Variants in CCNQ observed in about 807,000 individuals in gnomAD.
The protein encoded by CCNQ is cyclin Q, also known as cyclin-Q.
A neutral mutation model predicts 17.7 loss-of-function variants in CCNQ; 3 were observed. The ratio of observed to expected loss-of-function variants is 0.17; its 90% CI spans 0.08 to 0.44. The LOEUF (loss-of-function observed/expected upper bound fraction) is 0.44. Ranked by LOEUF, CCNQ falls within the 20% of genes least tolerant of loss-of-function variation. The pLI, the probability that CCNQ is intolerant of heterozygous loss-of-function variation, is 0.99. For synonymous variants in CCNQ, 73 were observed against 96.0 expected, an observed-to-expected ratio of 0.76 and a Z score of 1.40; for missense variants, 146 against 222.6, an observed-to-expected ratio of 0.66 and a Z score of 2.19.
chrX:153,597,693 C>T (rs1400569664), intron 1 of CCNQ: 3 of 111,817 alleles, frequency 2.7e-5, no homozygotes, highest in African/African-American at 9.8e-5. Flanking sequence ...TTTGGGAAAT[C>T]AATATTTAGC....
chrX:153,591,063 G>A (rs1389126058), intron 4 of CCNQ, among the ~76,000 whole-genome samples: 1 of 112,084 alleles, frequency 8.9e-6, no homozygotes, highest in East Asian at 2.8e-4. Context: ...AGTGACAGGA[G>A]TCACCGTAAG....
chrX:153,592,872 A>G, intron 3 of CCNQ, 139 bp from the exon 4 acceptor site: 1 of 574,988 alleles, frequency 1.7e-6, no homozygotes, highest in East Asian at 3.6e-5. Flanking sequence ...TGCTGGCCCC[A>G]TCTCCTGCCG....
rs2090965113 is a variant in CCNQ at position 153,587,998 on chromosome X, G to A, written c.*367C>T. 1 of 343,767 alleles carries A rather than the reference G, an allele frequency of 2.9e-6. No individual in the cohort carries two copies. Among genetic ancestry groups the A allele is most frequent in the Non-Finnish European group, 5.2e-6 (1 of 191,733 alleles). The allele number at this position is 343,767 out of a possible 1,213,427, so 28.3% of individuals were successfully genotyped here. On this transcript the variant is annotated 3_prime_UTR_variant, in exon 5 of 5. Coordinates refer to ENST00000576892, the MANE Select transcript of CCNQ (RefSeq NM_152274.5). ...CACATTCATTCTCCCTACAAATCTG[G>A]CTTTTAAGAAATCCGTAGGGATTCA...
chrX:153,592,799 T>C (rs1243600106), intron 3 of CCNQ, 66 bp from the exon 4 acceptor site: 1 of 1,002,880 alleles, frequency 1.0e-6, no homozygotes, highest in Admixed American at 2.6e-5. Context: ...CATAATCATA[T>C]CAGCACCTGC....
chrX:153,598,277 A>G (rs74703271), intron 1 of CCNQ, among the ~76,000 whole-genome samples: 8,222 of 111,423 alleles, frequency 0.074, 308 homozygotes, highest in African/African-American at 0.15. Context: ...TTAGCCGGGT[A>G]CGGTGGCACA....
In CCNQ at chrX:153,596,076, G is replaced by A. The variant is rs782228548; in HGVS notation, c.224C>T (p.Ser75Phe). 1 of 1,210,952 alleles carries A rather than the reference G, an allele frequency of 8.3e-7. No individual in the cohort carries two copies. The highest frequency in any genetic ancestry group is 1.1e-6 in the Non-Finnish European group (1 of 895,407). ...DAYDPYLIAM[S>F]SIYLAGKVEE... ...CACTTTGCCGGCCAAGTAAATTGAA[G>A]ACATGGCAATCAGGTAAGGGTCATA... is the stretch of plus-strand genomic sequence containing the variant. Residue 75 changes from serine to phenylalanine, a missense_variant, in exon 2 of 5, where the codon TCT becomes TTT. Coordinates refer to ENST00000576892, the MANE Select transcript of CCNQ (RefSeq NM_152274.5).
At chrX:153,591,601 C>T (rs1202754839) in intron 4 of CCNQ, among the ~76,000 whole-genome samples, 1 of 110,258 alleles carries the variant, frequency 9.1e-6, no homozygotes, top group African/African-American at 3.3e-5. Context: ...AGGGTGTTTG[C>T]CCCCCCCAGA....
In CCNQ at chrX:153,587,989, A is replaced by T. The variant is rs1603149656; in HGVS notation, c.*376T>A. The T allele has an allele frequency of 1.5e-5, 5 of 331,870 alleles. No individual in the cohort carries two copies. In the East Asian group the frequency reaches 3.0e-4, roughly 20 times the overall value. 27.3% of individuals were successfully genotyped at this position (331,870 alleles called of 1,213,427 possible). ...GCCACGTTGCACATTCATTCTCCCT[A>T]CAAATCTGGCTTTTAAGAAATCCGT... On this transcript the variant is annotated 3_prime_UTR_variant, in exon 5 of 5. Coordinates refer to ENST00000576892, the MANE Select transcript of CCNQ (RefSeq NM_152274.5).
intron 1 of CCNQ, among the ~76,000 whole-genome samples, chrX:153,598,138 G>A (rs72616439): frequency 0.012 from 1,283 of 111,150 alleles, 20 homozygotes; most frequent in African/African-American, 0.039. Context: ...TTGATGGGCC[G>A]GACGAGGTAG....
At chrX:153,589,322 C>T (rs1356063294) in intron 4 of CCNQ, among the ~76,000 whole-genome samples, 1 of 112,924 alleles carries the variant, frequency 8.9e-6, no homozygotes, top group Non-Finnish European at 1.9e-5. Context: ...ACTCCGTGCT[C>T]GCTGTCCCAC....
In CCNQ at chrX:153,588,463, A is replaced by G. The variant is rs369641639; in HGVS notation, c.658-9T>C. 398 of 1,166,159 alleles carry G rather than the reference A, an allele frequency of 3.4e-4. 1 individual carries two copies. The African/African-American group carries it at 6.0e-3, about 18-fold the overall frequency. On this transcript the variant is annotated splice_polypyrimidine_tract_variant and intron_variant, in intron 4 of 4. Transcript: ENST00000576892. ...AGGTCGTCATTAAACACCTAGAAAG[A>G]AGAAGGAAAACAGGTTCCAGTTAGA...
In CCNQ at chrX:153,588,161, G is replaced by A. The variant is rs188330990; in HGVS notation, c.*204C>T. On this transcript the variant is annotated 3_prime_UTR_variant, in exon 5 of 5. Transcript: ENST00000576892. The stretch of plus-strand genomic sequence containing the variant: ...CACTCCCGGCCTGCCCGCTGGAGGC[G>A]CGGCTCCCACCATCACCTGCACCGC... The A allele has an allele frequency of 5.1e-4, 266 of 523,324 alleles. 1 individual carries two copies. In the African/African-American group the frequency reaches 5.6e-3, roughly 11 times the overall value. The allele number at this position is 523,324 out of a possible 1,213,427, so 43.1% of individuals were successfully genotyped here.
intron 2 of CCNQ, 39 bp downstream of exon 2, chrX:153,595,965 C>A (rs782771144): frequency 5.0e-6 from 6 of 1,204,979 alleles, no homozygotes; most frequent in Non-Finnish European, 3.4e-6. Flanking sequence ...CCGTCCCCCC[C>A]ACCGGGTGGA....
At chrX:153,590,231 TAAAAAA>T (rs59053078) in intron 4 of CCNQ, among the ~76,000 whole-genome samples, 454 of 26,445 alleles carry the variant, frequency 0.017, 6 homozygotes, top group African/African-American at 0.07. Flanking sequence ...CTGTCTCTAT[TAAAAAA>T]AAAAAAAAAA....
intron 4 of CCNQ, among the ~76,000 whole-genome samples, chrX:153,589,472 A>G (rs1188693606): frequency 8.8e-6 from 1 of 113,098 alleles, no homozygotes; most frequent in African/African-American, 3.2e-5. Context: ...TTTCCTTGTA[A>G]TAAACCGGAA....
At chrX:153,592,881 C>T (rs1362754646) in intron 3 of CCNQ, 148 bp from the exon 4 acceptor site, 3 of 544,120 alleles carry the variant, frequency 5.5e-6, no homozygotes, top group Admixed American at 3.0e-5. Context: ...CATCTCCTGC[C>T]GATCCCACCC....
In CCNQ at chrX:153,591,673, G is replaced by A. The variant is rs150942365; in HGVS notation, c.657+833C>T. 5.3e-3 allele frequency among the ~76,000 whole-genome samples: 583 copies of A among 110,748 alleles called. 3 individuals carry two copies. The highest frequency in any genetic ancestry group is 0.018 in the African/African-American group (557 of 30,474). ...AAGTCCCTGAGCAGCCCGAGCGTGG[G>A]GCAACACTGTCTACACAGATGGCCC... On this transcript the variant is annotated intron_variant, in intron 4 of 4. Coordinates refer to ENST00000576892, the MANE Select transcript of CCNQ (RefSeq NM_152274.5).
At position 153,588,295 on chromosome X, in the gene CCNQ, G is replaced by A. The variant is rs782036499; in HGVS notation, c.*70C>T. On this transcript the variant is annotated 3_prime_UTR_variant, in exon 5 of 5. Coordinates refer to ENST00000576892, the MANE Select transcript of CCNQ (RefSeq NM_152274.5). ...TCCTGTGGGGACCAGCCGTCATGGC[G>A]ACGTGGTGACAATGTCCCCAGGCAG... The A allele has an allele frequency of 2.0e-5, 18 of 883,755 alleles. No individual in the cohort carries two copies. Among genetic ancestry groups the A allele is most frequent in the Middle Eastern group, 3.0e-4 (1 of 3,309 alleles). The allele number at this position is 883,755 out of a possible 1,213,427, so 72.8% of individuals were successfully genotyped here.
intron 3 of CCNQ, 124 bp downstream of exon 3, chrX:153,594,423 A>G (rs782236921): frequency 3.0e-4 from 293 of 962,005 alleles, no homozygotes; most frequent in Non-Finnish European, 4.3e-4. Context: ...CCCAGTTCCC[A>G]GCCGCAGCCC....
Sources: allele counts gnomAD v4.1 joint callset (sites outside exome capture counted in the v4.1 genomes callset), GRCh38; gene constraint gnomAD v4.1.1; transcripts MANE v1.5; gene names NCBI Gene and HGNC (gene_info 2026-07-23, HGNC 2026-07-21).